The following TRPS1 variants were observed in gnomAD, a reference collection of about 807,000 sequenced individuals.
TRPS1 encodes transcriptional repressor GATA binding 1, also known as zinc finger transcription factor Trps1.
A neutral mutation model predicts 101.2 loss-of-function variants in TRPS1; 6 were observed. The observed-to-expected ratio is 0.06, with a 90% CI of 0.03 to 0.12. The LOEUF (loss-of-function observed/expected upper bound fraction) is 0.12. Among genes scored for constraint, TRPS1 ranks in the 10% least tolerant of loss-of-function variants. The pLI is 1.00. For synonymous variants in TRPS1, 578 were observed against 589.8 expected (o/e 0.98, Z 0.29); for missense variants, 1,363 against 1,567.0 (o/e 0.87, Z 2.20).
At chr8:115,575,877 T>C (rs1817306360) in intron 5 of TRPS1, among the ~76,000 whole-genome samples, 1 of 152,164 alleles carries the variant, frequency 6.6e-6, no homozygotes, top group Non-Finnish European at 1.5e-5. Flanking sequence ...ATAATTGTAA[T>C]GAAACAGCTG....
Position 115,418,317 on chromosome 8 carries a change from AAC to A in TRPS1, c.2823+11_2823+12del. 6.2e-7 allele frequency: 1 copy of A among 1,614,120 alleles called. No homozygotes were observed. Among genetic ancestry groups the A allele is most frequent in the Non-Finnish European group, 8.5e-7 (1 of 1,179,966 alleles). On this transcript the variant is annotated intron_variant, in intron 6 of 6. Coordinates refer to ENST00000395715, the MANE Select transcript of TRPS1 (RefSeq NM_014112.5). The surrounding 1 kb of genome is among the most constrained non-coding windows in gnomAD (Gnocchi z 4.3). ...TATAAAGCTTTTCCTGAAAGAGTGGAACAAGTTCTTACCGAGTGAAGCTTCTG... is the reference window on the plus strand; with the variant it reads ...TATAAAGCTTTTCCTGAAAGAGTGGAAAGTTCTTACCGAGTGAAGCTTCTG...
intron 6 of TRPS1, among the ~76,000 whole-genome samples, 153 bp from the exon 7 acceptor site, chr8:115,415,237 G>A (rs1045205505): frequency 6.6e-6 from 1 of 152,108 alleles, no homozygotes; most frequent in African/African-American, 2.4e-5. Context: ...TTTGCCCTAA[G>A]CAGGATCAGA....
chr8:115,523,406 T>C (rs1224182512), intron 5 of TRPS1, among the ~76,000 whole-genome samples: 4 of 152,122 alleles, frequency 2.6e-5, no homozygotes, highest in Admixed American at 6.5e-5. Flanking sequence ...GTTATGAACA[T>C]GTGGGTACAT....
Position 115,561,056 on chromosome 8 carries a change from T to C in TRPS1, c.2700+25945A>G, listed in dbSNP as rs1219193591. Reference sequence around the variant, plus strand: ...AACATTAACATTAATCATGGACTGGTGCAACGATTACTTTGTCCTAACAGA... The same window carrying C: ...AACATTAACATTAATCATGGACTGGCGCAACGATTACTTTGTCCTAACAGA... On this transcript the variant is annotated intron_variant, in intron 5 of 6. Coordinates refer to ENST00000395715, the MANE Select transcript of TRPS1 (RefSeq NM_014112.5). Among the ~76,000 whole-genome samples, 3 of 152,260 alleles carry C rather than the reference T, an allele frequency of 2.0e-5. No individual in the cohort carries two copies. In the East Asian group the frequency reaches 5.8e-4, roughly 29 times the overall value.
intron 5 of TRPS1, chr8:115,515,425 C>G: frequency 3.5e-6 from 2 of 572,340 alleles, no homozygotes; most frequent in Non-Finnish European, 6.3e-6. Context: ...TCTCTTTTTC[C>G]TATGATTTTA....
intron 5 of TRPS1, among the ~76,000 whole-genome samples, chr8:115,491,865 C>G (rs1220100755): frequency 1.3e-5 from 2 of 152,050 alleles, no homozygotes; most frequent in African/African-American, 4.8e-5. Flanking sequence ...TTCATTCAAT[C>G]TGTATTTGAA....
At chr8:115,646,091 GAC>G (rs1193893682) in intron 1 of TRPS1, among the ~76,000 whole-genome samples, 1 of 152,054 alleles carries the variant, frequency 6.6e-6, no homozygotes, top group Non-Finnish European at 1.5e-5. Flanking sequence ...CATAGTTAAT[GAC>G]ACACAGAAAT....
intron 1 of TRPS1, among the ~76,000 whole-genome samples, chr8:115,642,239 A>AT (rs1336881548): frequency 2.4e-5 from 2 of 82,106 alleles, no homozygotes; most frequent in Admixed American, 1.2e-4. Context: ...AAAGAAAAGA[A>AT]ACCTGTGTGT....
intron 5 of TRPS1, among the ~76,000 whole-genome samples, chr8:115,449,266 T>G (rs533739197): frequency 6.6e-6 from 1 of 152,334 alleles, no homozygotes; most frequent in South Asian, 2.1e-4. Flanking sequence ...ATCTTTCTTT[T>G]TCCTGATCAC....
In TRPS1 at chr8:115,587,126, C is replaced by A; in HGVS notation, c.2575G>T (p.Ala859Ser). 5 of 1,614,148 alleles carry A rather than the reference C, an allele frequency of 3.1e-6. No homozygotes were observed. The highest frequency in any genetic ancestry group is 4.2e-6 in the Non-Finnish European group (5 of 1,180,008). ...AHLARPIYGL[A>S]VETKGFLQGA... ...TGCAGGAATCCCTTGGTTTCCACAG[C>A]CAAGCCATAAATAGGTCGCGCCAGA... Residue 859 changes from alanine to serine, a missense_variant, in exon 5 of 7, where the codon GCT becomes TCT. Around this residue, in one of 5 missense-constraint regions of TRPS1, gnomAD observed 1,020 missense variants for 1,073.0 expected, o/e 0.95. Transcript: ENST00000395715.
chr8:115,497,092 C>A (rs530185949), intron 5 of TRPS1, among the ~76,000 whole-genome samples: 1 of 152,254 alleles, frequency 6.6e-6, no homozygotes, highest in East Asian at 1.9e-4. Flanking sequence ...GGGACTATTC[C>A]TCTGAGTGAA....
rs1163935120 is a variant in TRPS1, at chr8:115,604,101, G to A, written c.1868C>T (p.Ser623Leu). The change falls in exon 4 of 7, where the codon TCG becomes TTG. Residue 623 changes from serine (S) to leucine (L), a missense_variant. This residue lies in a region of TRPS1 where 1,020 missense variants were observed against 1,073.0 expected (regional missense o/e 0.95). Coordinates refer to ENST00000395715, the MANE Select transcript of TRPS1 (RefSeq NM_014112.5). This position sits in a 1 kb window ranked among gnomAD's most constrained non-coding sequence, Gnocchi z 4.1. Reference sequence around the variant, plus strand: ...CTGATGGCACTGATGTTTGACTCGCGAGCTTCCAGCCGCCCCAGGAGACAA... The same window carrying A: ...CTGATGGCACTGATGTTTGACTCGCAAGCTTCCAGCCGCCCCAGGAGACAA... The part of the protein sequence containing the change: ...LHLSPGAAGS[S>L]RVKHQCHQCS... 6.2e-6 allele frequency: 10 copies of A among 1,614,064 alleles called. No individual in the cohort carries two copies. Among genetic ancestry groups the A allele is most frequent in the South Asian group, 1.1e-5 (1 of 91,084 alleles).
At chr8:115,517,716 C>G (rs1815751778) in intron 5 of TRPS1, among the ~76,000 whole-genome samples, 1 of 151,634 alleles carries the variant, frequency 6.6e-6, no homozygotes, top group South Asian at 2.1e-4. Context: ...TTTAAAGCTC[C>G]AAATTCTGAT....
intron 1 of TRPS1, among the ~76,000 whole-genome samples, chr8:115,645,942 T>C (rs1430515423): frequency 1.3e-5 from 2 of 152,170 alleles, no homozygotes; most frequent in Non-Finnish European, 2.9e-5. Flanking sequence ...TTTGGGATAA[T>C]ATAATGCCAC....
At chr8:115,543,023 T>C (rs76986739) in intron 5 of TRPS1, among the ~76,000 whole-genome samples, 5,568 of 152,158 alleles carry the variant, frequency 0.037, 382 homozygotes, top group African/African-American at 0.13. Flanking sequence ...AACCTTGACA[T>C]AAACGATTTC....
chr8:115,482,318 T>C (rs947730694), intron 5 of TRPS1, among the ~76,000 whole-genome samples: 2 of 152,214 alleles, frequency 1.3e-5, no homozygotes, highest in African/African-American at 2.4e-5. Context: ...TTAACCTACA[T>C]ATGCAAATGG....
Position 115,523,761 on chromosome 8 carries a change from C to T in TRPS1, c.2700+63240G>A, listed in dbSNP as rs528299719. Among the ~76,000 whole-genome samples the T allele has an allele frequency of 7.2e-5, 11 of 152,180 alleles. No homozygotes were observed. In the East Asian group the frequency reaches 1.2e-3, roughly 16 times the overall value. On this transcript the variant is annotated intron_variant, in intron 5 of 6. Coordinates refer to ENST00000395715, the MANE Select transcript of TRPS1 (RefSeq NM_014112.5). ...ATCCGTTGATACATGGATGAGTCTC[C>T]GGCTAAGGCTTGGCTGTCAAAAGGA...
chr8:115,531,329 C>G (rs961229407), intron 5 of TRPS1, among the ~76,000 whole-genome samples: 1 of 152,040 alleles, frequency 6.6e-6, no homozygotes, highest in East Asian at 1.9e-4. Context: ...TTCTTGTAAT[C>G]AAAAATGTTT....
intron 5 of TRPS1, among the ~76,000 whole-genome samples, chr8:115,498,325 C>G (rs943198156): frequency 6.8e-6 from 1 of 147,632 alleles, no homozygotes; most frequent in African/African-American, 2.5e-5. Flanking sequence ...CTGCAGTGAG[C>G]TGAGATCATG....
Sources: gnomAD v4.1 joint callset for allele counts (sites outside exome capture counted in the v4.1 genomes callset) on GRCh38, gnomAD v4.1.1 for gene constraint, gnomAD v4.1.1 regional missense constraint, Gnocchi (gnomAD v3.1) non-coding constraint, MANE v1.5 for transcripts, NCBI Gene and HGNC (gene_info 2026-07-23, HGNC 2026-07-21) for gene names.